Variants in PUDP observed in about 807,000 individuals in gnomAD.
PUDP encodes the protein pseudouridine 5'-phosphatase.
Under a neutral mutation model 9.4 loss-of-function variants are expected in PUDP, and 8 were observed. The observed-to-expected ratio is 0.85, with a 90% CI of 0.50 to 1.53. PUDP has a LOEUF of 1.53. PUDP is among the 40% of genes most tolerant of loss of function. The pLI is 0.00. For missense variants in PUDP, 188 were observed against 189.7 expected (o/e 0.99, Z 0.05); for synonymous variants, 99 against 80.7 (o/e 1.23, Z -1.22).
chrX:6,951,086 C>G (rs1203119800), intron 3 of PUDP, among the ~76,000 whole-genome samples: 2 of 111,477 alleles, frequency 1.8e-5, no homozygotes, highest in Non-Finnish European at 3.8e-5. Context: ...CCCTGCAGAT[C>G]TTAGAACTGG....
Position 6,986,439 on chromosome X carries a change from C to A in PUDP, c.205-8096G>T, listed in dbSNP as rs58301512. The stretch of plus-strand genomic sequence containing the variant: ...CCTCCAACCCCACACAGCCCAGGGG[C>A]TCGGCGCAGGCTCTTCCCAGTTATG... On this transcript the variant is annotated intron_variant and NMD_transcript_variant, in intron 1 of 3. Transcript: ENST00000655425. 4.4e-3 allele frequency among the ~76,000 whole-genome samples: 495 copies of A among 111,602 alleles called. 1 individual carries two copies. Among genetic ancestry groups the A allele is most frequent in the African/African-American group, 0.015 (466 of 30,680 alleles).
chrX:6,914,557 C>T, intron 3 of PUDP, among the ~76,000 whole-genome samples: 1 of 111,941 alleles, frequency 8.9e-6, no homozygotes, highest in Non-Finnish European at 1.9e-5. Flanking sequence ...CGGGTGAATC[C>T]TCGAATTTAT....
At chrX:7,082,272 C>G (rs774274968) in intron 2 of PUDP, among the ~76,000 whole-genome samples, 2 of 112,214 alleles carry the variant, frequency 1.8e-5, no homozygotes, top group Non-Finnish European at 3.8e-5. Context: ...CCTAGAGACC[C>G]AAGGTGGGTG....
chrX:7,140,676 A>AAAAAC (rs1447859697), intron 1 of PUDP, among the ~76,000 whole-genome samples: 3 of 112,095 alleles, frequency 2.7e-5, no homozygotes, highest in Non-Finnish European at 5.6e-5. Flanking sequence ...TTCTGGCTCA[A>AAAAAC]AAAACAAAAC....
intron 1 of PUDP, among the ~76,000 whole-genome samples, chrX:7,135,187 A>G (rs1247901667): frequency 8.9e-6 from 1 of 111,832 alleles, no homozygotes; most frequent in Non-Finnish European, 1.9e-5. Context: ...AGTAGGCAGA[A>G]GTCAGCTGAG....
intron 1 of PUDP, among the ~76,000 whole-genome samples, chrX:6,987,449 A>G (rs1313370561): frequency 1.8e-5 from 2 of 112,155 alleles, no homozygotes; most frequent in East Asian, 5.6e-4. Context: ...GAATTTCTTA[A>G]CATCACTGAG....
At chrX:6,886,407 G>T (rs1394115127) in intron 3 of PUDP, among the ~76,000 whole-genome samples, 1 of 111,803 alleles carries the variant, frequency 8.9e-6, no homozygotes, top group Non-Finnish European at 1.9e-5. Context: ...TTTCTTTCAA[G>T]GAAATTTTCC....
At chrX:6,888,362 C>T (rs766797795) in intron 3 of PUDP, among the ~76,000 whole-genome samples, 2 of 110,420 alleles carry the variant, frequency 1.8e-5, no homozygotes, top group East Asian at 2.8e-4. Context: ...GAAATTTGGG[C>T]CAGGTGCAGT....
intron 2 of PUDP, among the ~76,000 whole-genome samples, chrX:7,099,230 C>G: frequency 8.9e-6 from 1 of 112,661 alleles, no homozygotes. Flanking sequence ...AGGATTTGTT[C>G]AAGATACAAT....
rs139131025 is a variant in PUDP at position 6,804,430 on chromosome X, C to T, written c.*248-97964G>A. Among the ~76,000 whole-genome samples the T allele has an allele frequency of 2.0e-3, 220 of 111,540 alleles. 1 individual carries two copies. The highest frequency in any genetic ancestry group is 6.9e-3 in the African/African-American group (213 of 30,730). The stretch of plus-strand genomic sequence containing the variant: ...AGTAGCTGAATTTCCTTACCTATGA[C>T]GTATCAATCATCCTTTCTGACTCTC... On this transcript the variant is annotated intron_variant and NMD_transcript_variant, in intron 3 of 3. Transcript: ENST00000655425.
At chrX:6,887,230 CATT>C (rs1927442989) in intron 3 of PUDP, among the ~76,000 whole-genome samples, 1 of 104,324 alleles carries the variant, frequency 9.6e-6, no homozygotes, top group African/African-American at 3.4e-5. Context: ...TTATTGTATG[CATT>C]ATATCTATTA....
At chrX:7,067,994 G>A (rs986963727) in intron 3 of PUDP, among the ~76,000 whole-genome samples, 7 of 111,382 alleles carry the variant, frequency 6.3e-5, no homozygotes, top group African/African-American at 1.6e-4. Flanking sequence ...CTTGCCTTCC[G>A]CCATGATTGT....
At chrX:6,757,974 C>A (rs1362188159) in intron 3 of PUDP, among the ~76,000 whole-genome samples, 1 of 112,165 alleles carries the variant, frequency 8.9e-6, no homozygotes, top group African/African-American at 3.2e-5. Flanking sequence ...TCAATTCCCT[C>A]AAATGGATAT....
At chrX:7,084,433 T>C (rs1433308990) in intron 2 of PUDP, among the ~76,000 whole-genome samples, 1 of 111,992 alleles carries the variant, frequency 8.9e-6, no homozygotes, top group Non-Finnish European at 1.9e-5. Flanking sequence ...TTGCAGTACA[T>C]GTGTGCAGCA....
intron 3 of PUDP, among the ~76,000 whole-genome samples, chrX:6,914,367 GGACCTA>G (rs1311641663): frequency 9.0e-6 from 1 of 111,030 alleles, no homozygotes; most frequent in Admixed American, 9.6e-5. Flanking sequence ...ACAGAATCAT[GGACCTA>G]GACCCTTTGA....
chrX:6,805,009 G>A (rs1926026427), intron 3 of PUDP, among the ~76,000 whole-genome samples: 1 of 112,045 alleles, frequency 8.9e-6, no homozygotes, highest in Non-Finnish European at 1.9e-5. Context: ...GCTCATGCCT[G>A]TAATTCCAGC....
At chrX:6,944,950 A>C (rs980018719) in intron 3 of PUDP, among the ~76,000 whole-genome samples, 18 of 111,499 alleles carry the variant, frequency 1.6e-4, no homozygotes, top group Admixed American at 9.6e-5. Flanking sequence ...TCCACCTATG[A>C]CCTGTAGGCC....
chrX:6,923,401 C>T (rs1928054237), intron 3 of PUDP, among the ~76,000 whole-genome samples: 1 of 112,046 alleles, frequency 8.9e-6, no homozygotes, highest in Admixed American at 9.5e-5. Context: ...ACATGGATAT[C>T]TGATTGTCAA....
At chrX:7,088,403 A>C (rs1466725822) in intron 2 of PUDP, among the ~76,000 whole-genome samples, 5 of 111,515 alleles carry the variant, frequency 4.5e-5, no homozygotes, top group Non-Finnish European at 9.4e-5. Flanking sequence ...GCTAAGCACT[A>C]GGACTTTAGA....
Sources: gnomAD v4.1 joint callset for allele counts (sites outside exome capture counted in the v4.1 genomes callset) on GRCh38, gnomAD v4.1.1 for gene constraint, MANE v1.5 for transcripts, NCBI Gene and HGNC (gene_info 2026-07-23, HGNC 2026-07-21) for gene names.